COL11A1: variants seen among roughly 807,000 people sequenced by gnomAD.
The protein encoded by COL11A1 is collagen alpha-1(XI) chain.
A neutral mutation model predicts 265.2 loss-of-function variants in COL11A1; 74 were observed. The ratio of observed to expected loss-of-function variants is 0.28; its 90% confidence interval spans 0.23 to 0.34. The LOEUF (loss-of-function observed/expected upper bound fraction) is 0.34. COL11A1 is among the 10% of genes least tolerant of loss of function. The probability of loss-of-function intolerance (pLI) is 1.00; values close to 1 mark genes in which losing one functional copy is unlikely to be tolerated. For missense variants in COL11A1, 2,165 were observed against 2,263.6 expected (o/e 0.96, Z 0.88); for synonymous variants, 816 against 727.6 (o/e 1.12, Z -1.96).
Position 102,979,441 on chromosome 1 carries a change from A to G in COL11A1, c.2557-6T>C, listed in dbSNP as rs768957340. The G allele has an allele frequency of 4.4e-6, 7 of 1,590,458 alleles. No individual in the cohort carries two copies. The South Asian group carries it at 7.7e-5, about 18-fold the overall frequency. On this transcript the variant is annotated splice_region_variant and splice_polypyrimidine_tract_variant and intron_variant, in intron 31 of 66. Coordinates refer to ENST00000370096, the MANE Select transcript of COL11A1 (RefSeq NM_001854.4). The stretch of plus-strand genomic sequence containing the variant: ...CCAGGGAATCCAGTGGAACCCTACA[A>G]TAATAAAAGTAAATAATGAATAAAC...
chr1:103,030,850 C>A (rs1451808275), intron 5 of COL11A1: 1 of 410,946 alleles, frequency 2.4e-6, no homozygotes. Context: ...TTCTTCTCAC[C>A]CCCTCCAAAA....
At chr1:103,028,530 G>A (rs1027668714) in intron 5 of COL11A1, among the ~76,000 whole-genome samples, 1 of 152,016 alleles carries the variant, frequency 6.6e-6, no homozygotes, top group Non-Finnish European at 1.5e-5. Context: ...GATGGCTTGA[G>A]ACAAGTAGAG....
chr1:103,029,182 G>A (rs1667790236), intron 5 of COL11A1, among the ~76,000 whole-genome samples: 2 of 151,914 alleles, frequency 1.3e-5, no homozygotes, highest in African/African-American at 4.8e-5. Flanking sequence ...AAGCATATCG[G>A]TTGACTTATA....
At chr1:102,955,375 G>A (rs953249824) in intron 41 of COL11A1, among the ~76,000 whole-genome samples, 3 of 152,096 alleles carry the variant, frequency 2.0e-5, no homozygotes, top group African/African-American at 7.2e-5. Context: ...TGGGGGGATG[G>A]TCACATAATA....
At chr1:103,073,535 A>G (rs1184612951) in intron 4 of COL11A1, among the ~76,000 whole-genome samples, 1 of 151,866 alleles carries the variant, frequency 6.6e-6, no homozygotes, top group Non-Finnish European at 1.5e-5. Context: ...TATTATTTAC[A>G]TAATCTAGCA....
At chr1:102,891,506 C>A (rs1297055625) in intron 57 of COL11A1, among the ~76,000 whole-genome samples, 2 of 151,682 alleles carry the variant, frequency 1.3e-5, no homozygotes, top group Non-Finnish European at 2.9e-5. Flanking sequence ...CTTTAGCAAC[C>A]AACTCTGTCC....
chr1:102,954,832 GAAACTCCCTCTTGAAATAAAAAAAAA>G (rs1660215152), intron 41 of COL11A1, among the ~76,000 whole-genome samples: 1 of 137,410 alleles, frequency 7.3e-6, no homozygotes, highest in East Asian at 2.3e-4. Flanking sequence ...CGACAAGAGC[GAAACTCCCTCTTGAAATAAAAAAAAA>G]AAAAAAAGAA....
chr1:103,005,215 A>C (rs1665486259), intron 18 of COL11A1, among the ~76,000 whole-genome samples: 1 of 152,096 alleles, frequency 6.6e-6, no homozygotes, highest in South Asian at 2.1e-4. Flanking sequence ...AATTTACTTA[A>C]AGCTTATCTT....
chr1:102,924,994 AAT>A (rs1656431339), intron 46 of COL11A1, among the ~76,000 whole-genome samples: 1 of 151,660 alleles, frequency 6.6e-6, no homozygotes, highest in Non-Finnish European at 1.5e-5. Context: ...TTTATATATT[AAT>A]ACATCTTATA....
intron 28 of COL11A1, 93 bp from the exon 29 acceptor site, chr1:102,989,664 G>T: frequency 1.3e-6 from 1 of 797,078 alleles, no homozygotes; most frequent in South Asian, 1.7e-5. Flanking sequence ...CTGATAACGA[G>T]GGAAAATTAT....
chr1:102,985,317 T>G (rs1489425780), intron 30 of COL11A1, among the ~76,000 whole-genome samples: 1 of 151,990 alleles, frequency 6.6e-6, no homozygotes, highest in Non-Finnish European at 1.5e-5. Flanking sequence ...GGCAAAAAAT[T>G]AAGAACATGG....
intron 4 of COL11A1, among the ~76,000 whole-genome samples, chr1:103,043,947 T>C (rs1204162302): frequency 6.6e-6 from 1 of 152,092 alleles, no homozygotes; most frequent in Non-Finnish European, 1.5e-5. Flanking sequence ...AGATAGCCCC[T>C]AGACCCTAAA....
intron 42 of COL11A1, among the ~76,000 whole-genome samples, chr1:102,942,530 GTTCT>G (rs1231261508): frequency 6.6e-6 from 1 of 150,696 alleles, no homozygotes. Flanking sequence ...CCTTGTAACC[GTTCT>G]TTATTTCACC....
intron 30 of COL11A1, among the ~76,000 whole-genome samples, chr1:102,984,768 A>G (rs1222593340): frequency 6.6e-6 from 1 of 152,060 alleles, no homozygotes; most frequent in Non-Finnish European, 1.5e-5. Flanking sequence ...AAATATCTGG[A>G]CTAATAAATA....
chr1:103,105,080 GA>G (rs1053250196), intron 1 of COL11A1, among the ~76,000 whole-genome samples: 1 of 108,158 alleles, frequency 9.2e-6, no homozygotes, highest in Admixed American at 1.1e-4. Flanking sequence ...GATTCAATTA[GA>G]TTTTTTTTTT....
intron 31 of COL11A1, among the ~76,000 whole-genome samples, chr1:102,981,778 A>C (rs1663063642): frequency 6.6e-6 from 1 of 152,000 alleles, no homozygotes; most frequent in Non-Finnish European, 1.5e-5. Flanking sequence ...ATGCTGTCTG[A>C]AATATAAAGG....
chr1:103,014,028 T>C (rs1666345953), intron 13 of COL11A1, among the ~76,000 whole-genome samples: 1 of 152,050 alleles, frequency 6.6e-6, no homozygotes, highest in South Asian at 2.1e-4. Context: ...TGGTAAGAAA[T>C]TTGAAGGTTT....
At chr1:102,934,884 G>C (rs1391097930) in intron 45 of COL11A1, among the ~76,000 whole-genome samples, 176 bp downstream of exon 45, 31 of 152,166 alleles carry the variant, frequency 2.0e-4, no homozygotes, top group Admixed American at 2.0e-3. Flanking sequence ...GTTACAATAT[G>C]TTTTGTTTCT....
chr1:103,086,125 T>A (rs571015515), intron 1 of COL11A1, among the ~76,000 whole-genome samples: 14 of 152,352 alleles, frequency 9.2e-5, no homozygotes, highest in African/African-American at 3.1e-4. Context: ...ATGTTCATAT[T>A]TATTTTAAAC....
Sources: gnomAD v4.1 joint callset for allele counts (sites outside exome capture counted in the v4.1 genomes callset) on GRCh38, gnomAD v4.1.1 for gene constraint, MANE v1.5 for transcripts, NCBI Gene and HGNC (gene_info 2026-07-23, HGNC 2026-07-21) for gene names.